The following FUT8 variants were observed in gnomAD, a reference collection of about 807,000 sequenced individuals.
FUT8 encodes fucosyltransferase 8, also known as alpha-(1,6)-fucosyltransferase.
A neutral mutation model predicts 71.3 loss-of-function variants in FUT8; 29 were observed. That is an observed-to-expected ratio of 0.41 (90% CI 0.30 to 0.55). FUT8 has a LOEUF of 0.55. Among genes scored for constraint, FUT8 ranks in the 20% least tolerant of loss-of-function variants. FUT8 has a pLI of 0.34. For synonymous variants in FUT8, 254 were observed against 239.3 expected (o/e 1.06, Z -0.57); for missense variants, 544 against 702.1 (o/e 0.77, Z 2.55).
At chr14:65,675,951 C>A (rs991274847) in intron 7 of FUT8, among the ~76,000 whole-genome samples, 1 of 151,986 alleles carries the variant, frequency 6.6e-6, no homozygotes, top group Non-Finnish European at 1.5e-5. Flanking sequence ...GAGCCGAGAT[C>A]GCGCCACTGC....
chr14:65,658,635 G>T (rs1891810758), intron 6 of FUT8, among the ~76,000 whole-genome samples: 1 of 152,076 alleles, frequency 6.6e-6, no homozygotes, highest in South Asian at 2.1e-4. Context: ...CAAGAGCATT[G>T]TGCTGAGTAA....
upstream of FUT8, chr14:65,411,577 C>T (rs1486615747): frequency 5.7e-6 from 1 of 175,962 alleles, no homozygotes; most frequent in Non-Finnish European, 1.2e-5. Context: ...AATCTCCTTT[C>T]TGTGATCTTT....
In FUT8 at chr14:65,742,875, C is replaced by T. The variant is rs970432566; in HGVS notation, c.*465C>T. 6 of 153,160 alleles carry T rather than the reference C, an allele frequency of 3.9e-5. No individual in the cohort carries two copies. The highest frequency in any genetic ancestry group is 1.2e-4 in the African/African-American group (5 of 41,244). 9.5% of individuals were successfully genotyped at this position (153,160 alleles called of 1,614,324 possible). On this transcript the variant is annotated 3_prime_UTR_variant, in exon 11 of 11. Coordinates refer to ENST00000673929, the MANE Select transcript of FUT8 (RefSeq NM_001371533.1). ...GGTATTGTGACCACTGAATTCACTC[C>T]AGTCAACAGATTCAGAATGAGAATG...
chr14:65,739,847 A>T (rs1052745166), intron 10 of FUT8, among the ~76,000 whole-genome samples: 1 of 152,062 alleles, frequency 6.6e-6, no homozygotes, highest in Non-Finnish European at 1.5e-5. Context: ...GCAATGCCTT[A>T]ACTTCCCTTT....
intron 1 of FUT8, among the ~76,000 whole-genome samples, chr14:65,436,708 G>A (rs189060913): frequency 6.5e-4 from 99 of 152,048 alleles, no homozygotes; most frequent in African/African-American, 2.4e-3. Flanking sequence ...CATTGGGGTT[G>A]CACACTCAAC....
Position 65,564,904 on chromosome 14 carries a change from G to A in FUT8, c.203+3138G>A, listed in dbSNP as rs544466602. On this transcript the variant is annotated intron_variant, in intron 3 of 10. Coordinates refer to ENST00000673929, the MANE Select transcript of FUT8 (RefSeq NM_001371533.1). ...TATTTTTATTCTTTTTAAATGTTGAGTAGTATTCCGTTATATTGATGTGTC... is the reference window on the plus strand; with the variant it reads ...TATTTTTATTCTTTTTAAATGTTGAATAGTATTCCGTTATATTGATGTGTC... 6.6e-5 allele frequency among the ~76,000 whole-genome samples: 10 copies of A among 151,914 alleles called. 1 individual carries two copies. The South Asian group carries it at 1.7e-3, about 25-fold the overall frequency.
intron 3 of FUT8, among the ~76,000 whole-genome samples, chr14:65,586,066 A>G (rs7160505): frequency 0.062 from 9,492 of 152,314 alleles, 536 homozygotes; most frequent in African/African-American, 0.15. Context: ...AATATGGAAG[A>G]GAAAAATTAT....
chr14:65,390,889 G>C, the FUT8 span, among the ~76,000 whole-genome samples: 1 of 151,820 alleles, frequency 6.6e-6, no homozygotes, highest in African/African-American at 2.4e-5. Context: ...TTAGCACCTG[G>C]CTAATTTTTT....
At chr14:65,514,246 AT>A (rs199669650) in intron 2 of FUT8, among the ~76,000 whole-genome samples, 9,703 of 151,046 alleles carry the variant, frequency 0.064, 359 homozygotes, top group Admixed American at 0.11. Flanking sequence ...TTTCTGCCTA[AT>A]AGAAGAGGAA....
chr14:65,484,466 T>C (rs2066378933), intron 2 of FUT8, among the ~76,000 whole-genome samples: 1 of 152,182 alleles, frequency 6.6e-6, no homozygotes, highest in African/African-American at 2.4e-5. Context: ...TTTTGAATTT[T>C]GTCAGTTTTT....
chr14:65,430,186 A>AT lies in FUT8; in HGVS notation c.-326+16981dup, dbSNP rs201453234. 4.8e-3 allele frequency: 694 copies of AT among 145,036 alleles called. 8 individuals carry two copies. The highest frequency in any genetic ancestry group is 0.015 in the East Asian group (74 of 4,958). The allele number at this position is 145,036 out of a possible 1,614,324, so 9.0% of individuals were successfully genotyped here. On this transcript the variant is annotated intron_variant, in intron 1 of 10. Transcript: ENST00000673929. ...AGACACATACCACCACGCCCAGCTAATTTTTTTTTGTTTTTGATATTTTTT... is the reference window on the plus strand; with the variant it reads ...AGACACATACCACCACGCCCAGCTAATTTTTTTTTTGTTTTTGATATTTTTT...
At chr14:65,689,263 G>T (rs953444695) in intron 7 of FUT8, among the ~76,000 whole-genome samples, 2 of 152,202 alleles carry the variant, frequency 1.3e-5, no homozygotes, top group Admixed American at 1.3e-4. Context: ...ACAGTGTTGA[G>T]AATCATTTCA....
chr14:65,413,164 T>C lies in FUT8; in HGVS notation c.-376T>C, dbSNP rs2139348073. The C allele has an allele frequency of 1.3e-5, 2 of 153,064 alleles. No individual in the cohort carries two copies. The highest frequency in any genetic ancestry group is 1.3e-4 in the Admixed American group (2 of 15,314). The allele number at this position is 153,064 out of a possible 1,614,324, so 9.5% of individuals were successfully genotyped here. The stretch of plus-strand genomic sequence containing the variant: ...GGCAGCTGCGGCTGAGGGCTGTGGC[T>C]TTGGCAGCTGCGACGGGGAGCGGCG... On this transcript the variant is annotated 5_prime_UTR_variant, in exon 1 of 11. Transcript: ENST00000673929. The surrounding 1 kb of genome is among the most constrained non-coding windows in gnomAD (Gnocchi z 4.1).
chr14:65,648,483 A>G (rs1891216205), intron 6 of FUT8, among the ~76,000 whole-genome samples: 1 of 152,204 alleles, frequency 6.6e-6, no homozygotes, highest in Admixed American at 6.5e-5. Flanking sequence ...CAACAGGACT[A>G]GACATCAGGA....
intron 7 of FUT8, among the ~76,000 whole-genome samples, chr14:65,670,979 C>T (rs779489986): frequency 1.3e-5 from 2 of 152,152 alleles, no homozygotes; most frequent in South Asian, 4.1e-4. Flanking sequence ...GTTATATCTT[C>T]CACTGATCTG....
chr14:65,730,399 C>T (rs924018498), intron 9 of FUT8, among the ~76,000 whole-genome samples: 2 of 152,144 alleles, frequency 1.3e-5, no homozygotes, highest in South Asian at 2.1e-4. Context: ...TCCGACCGGA[C>T]GCAGTGGCTC....
At chr14:65,478,525 C>A (rs1470409221) in intron 2 of FUT8, among the ~76,000 whole-genome samples, 2 of 151,830 alleles carry the variant, frequency 1.3e-5, no homozygotes, top group Non-Finnish European at 2.9e-5. Flanking sequence ...GGGGATAGCT[C>A]CTATTTTTGT....
intron 5 of FUT8, among the ~76,000 whole-genome samples, chr14:65,620,905 T>G (rs1328003891): frequency 6.6e-6 from 1 of 152,254 alleles, no homozygotes; most frequent in Non-Finnish European, 1.5e-5. Context: ...TACATTTCTT[T>G]ATGAAGTCAT....
chr14:65,565,118 A>G (rs1886121622), intron 3 of FUT8, among the ~76,000 whole-genome samples: 1 of 152,010 alleles, frequency 6.6e-6, no homozygotes, highest in African/African-American at 2.4e-5. Flanking sequence ...AAGAGATCAC[A>G]TGATAAGAGA....
Sources: allele counts gnomAD v4.1 joint callset (sites outside exome capture counted in the v4.1 genomes callset), GRCh38; gene constraint gnomAD v4.1.1; non-coding constraint Gnocchi (gnomAD v3.1); transcripts MANE v1.5; gene names NCBI Gene and HGNC (gene_info 2026-07-23, HGNC 2026-07-21).